Variants in C1orf87 observed in about 807,000 individuals in gnomAD.
The protein encoded by C1orf87 is chromosome 1 open reading frame 87.
C1orf87 carries 58 observed loss-of-function variants against 60.5 expected under a neutral mutation model. The ratio of observed to expected loss-of-function variants is 0.96; its 90% confidence interval spans 0.78 to 1.19. The LOEUF is 1.19. Among genes scored for constraint, C1orf87 ranks in the 50% most tolerant of loss-of-function variants. The pLI is 0.00. For synonymous variants in C1orf87, 236 were observed against 227.4 expected (o/e 1.04, Z -0.34); for missense variants, 673 against 638.6 (o/e 1.05, Z -0.58).
intron 2 of C1orf87, among the ~76,000 whole-genome samples, chr1:60,068,185 G>A (rs1645561681): frequency 6.6e-6 from 1 of 151,956 alleles, no homozygotes; most frequent in Non-Finnish European, 1.5e-5. Context: ...TGTGTAGAGT[G>A]AGCCTCCACA....
At chr1:60,011,592 T>G (rs1645085389) in intron 8 of C1orf87, among the ~76,000 whole-genome samples, 1 of 152,126 alleles carries the variant, frequency 6.6e-6, no homozygotes, top group African/African-American at 2.4e-5. Flanking sequence ...TTTCTGTTGC[T>G]AGCAACCAAA....
chr1:60,053,463 A>G (rs1355742121), intron 3 of C1orf87, among the ~76,000 whole-genome samples: 1 of 152,168 alleles, frequency 6.6e-6, no homozygotes, highest in Admixed American at 6.5e-5. Context: ...AGAGCTCAGA[A>G]TACTGCCTGG....
chr1:60,001,035 A>G lies in C1orf87; in HGVS notation c.1272+42T>C, dbSNP rs375830581. On this transcript the variant is annotated intron_variant, in intron 10 of 11. Transcript: ENST00000371201. Reference sequence around the variant, plus strand: ...GCATCAGAGAAAAGGCCAAGTATCCATGAAAACCTTCCCCCAAACTCTATA... The same window carrying G: ...GCATCAGAGAAAAGGCCAAGTATCCGTGAAAACCTTCCCCCAAACTCTATA... The G allele has an allele frequency of 1.8e-5, 27 of 1,533,328 alleles. No individual in the cohort carries two copies. The African/African-American group carries it at 2.9e-4, about 16-fold the overall frequency. 95.0% of individuals were successfully genotyped at this position (1,533,328 alleles called of 1,614,324 possible). A position where few individuals can be genotyped will look rare whatever the true frequency, so the allele number is the denominator to read the frequency against.
At chr1:60,004,971 A>C (rs1645032821) in intron 9 of C1orf87, among the ~76,000 whole-genome samples, 1 of 148,260 alleles carries the variant, frequency 6.7e-6, no homozygotes, top group Non-Finnish European at 1.5e-5. Context: ...CAGACCAATT[A>C]AGTCAGAATC....
rs1644913915 is a variant in C1orf87, at chr1:59,990,605, G to A, written c.*68C>T. The A allele has an allele frequency of 6.4e-7, 1 of 1,563,824 alleles. No homozygotes were observed. The highest frequency in any genetic ancestry group is 1.7e-5 in the Admixed American group (1 of 58,536). Reference sequence around the variant, plus strand: ...GCCTCCGCCACTACACTTAGGCTGGGGAGAAACATGTGTCTGGGTAAAAAG... The same window carrying A: ...GCCTCCGCCACTACACTTAGGCTGGAGAGAAACATGTGTCTGGGTAAAAAG... On this transcript the variant is annotated 3_prime_UTR_variant, in exon 12 of 12. Transcript: ENST00000371201.
chr1:60,046,173 TTTCC>T (rs539384721), intron 3 of C1orf87, among the ~76,000 whole-genome samples: 14 of 149,584 alleles, frequency 9.4e-5, no homozygotes, highest in Admixed American at 2.7e-4. Flanking sequence ...TCCTTGCTTC[TTTCC>T]TTCCTTCCTT....
rs776689866 is a variant in C1orf87, at chr1:60,001,193, G to T, written c.1193-37C>A. 4.8e-6 allele frequency: 7 copies of T among 1,453,038 alleles called. No homozygotes were observed. The Admixed American group carries it at 1.4e-4, about 29-fold the overall frequency. The allele number at this position is 1,453,038 out of a possible 1,614,324, so 90.0% of individuals were successfully genotyped here. ...TAAAAAAAAAAAAAGGAAGGGTTTA[G>T]CTTGGTCTCTTCATTTAACACACAC... On this transcript the variant is annotated intron_variant, in intron 9 of 11. Transcript: ENST00000371201.
chr1:60,066,269 G>A (rs1231033559), intron 2 of C1orf87, among the ~76,000 whole-genome samples: 1 of 152,132 alleles, frequency 6.6e-6, no homozygotes, highest in African/African-American at 2.4e-5. Context: ...CTGTTTGATA[G>A]TATTTTACCC....
intron 8 of C1orf87, among the ~76,000 whole-genome samples, chr1:60,015,767 T>C (rs1227734778): frequency 2.0e-5 from 3 of 152,204 alleles, no homozygotes; most frequent in Admixed American, 6.5e-5. Context: ...TTTCACTTTT[T>C]GGCAGACAGA....
intron 5 of C1orf87, 68 bp downstream of exon 5, chr1:60,039,849 T>G: frequency 2.0e-6 from 3 of 1,509,688 alleles, no homozygotes; most frequent in Non-Finnish European, 2.7e-6. Flanking sequence ...TTCTTAGTCT[T>G]TTACCCTTGT....
chr1:60,012,515 C>T (rs1645093826), intron 8 of C1orf87, among the ~76,000 whole-genome samples: 2 of 152,018 alleles, frequency 1.3e-5, no homozygotes, highest in African/African-American at 4.8e-5. Context: ...TTACATTACC[C>T]CCAAGACCTT....
intron 8 of C1orf87, among the ~76,000 whole-genome samples, chr1:60,015,198 C>A (rs1645116965): frequency 6.6e-6 from 1 of 152,130 alleles, no homozygotes; most frequent in South Asian, 2.1e-4. Context: ...GCCGTGGGGG[C>A]AGAGCCCTCA....
At chr1:60,031,432 G>A (rs552971249) in intron 7 of C1orf87, among the ~76,000 whole-genome samples, 11 of 152,290 alleles carry the variant, frequency 7.2e-5, no homozygotes, top group Non-Finnish European at 1.6e-4. Context: ...TTTCAGGGAC[G>A]GCTGTGGGGA....
At chr1:59,991,026 G>A (rs1484479654) in intron 11 of C1orf87, among the ~76,000 whole-genome samples, 193 bp from the exon 12 acceptor site, 2 of 152,146 alleles carry the variant, frequency 1.3e-5, no homozygotes, top group East Asian at 1.9e-4. Context: ...ATTTCAGGAA[G>A]AATCTGAGGG....
At chr1:60,073,119 C>A (rs1374179420) in intron 1 of C1orf87, among the ~76,000 whole-genome samples, 1 of 152,176 alleles carries the variant, frequency 6.6e-6, no homozygotes, top group Non-Finnish European at 1.5e-5. Flanking sequence ...CAGGGTAATT[C>A]TAGGTCTGTT....
intron 2 of C1orf87, among the ~76,000 whole-genome samples, chr1:60,061,598 A>T (rs1311324072): frequency 2.0e-5 from 3 of 151,576 alleles, no homozygotes; most frequent in Non-Finnish European, 4.4e-5. Flanking sequence ...TATCCTCACC[A>T]TCCTTCTCAA....
intron 9 of C1orf87, among the ~76,000 whole-genome samples, chr1:60,006,394 C>A (rs1379510231): frequency 6.6e-6 from 1 of 152,102 alleles, no homozygotes; most frequent in Non-Finnish European, 1.5e-5. Context: ...TTCCCTTCAA[C>A]AGAAGTAGTT....
intron 6 of C1orf87, among the ~76,000 whole-genome samples, chr1:60,036,428 C>T (rs1190872287): frequency 6.6e-6 from 1 of 152,172 alleles, no homozygotes; most frequent in Non-Finnish European, 1.5e-5. Flanking sequence ...TCTTAACCAC[C>T]ATGCCACATT....
rs528670050 is a variant in C1orf87 at position 60,010,133 on chromosome 1, A to C, written c.1192+259T>G. 3.3e-5 allele frequency among the ~76,000 whole-genome samples: 5 copies of C among 151,976 alleles called. No homozygotes were observed. The South Asian group carries it at 1.0e-3, about 32-fold the overall frequency. On this transcript the variant is annotated intron_variant, in intron 9 of 11. Transcript: ENST00000371201. ...ATACTAACTTCCATAAATGTACTGCATTCATCTATAAGGGCTACCACTAGA... is the reference window on the plus strand; with the variant it reads ...ATACTAACTTCCATAAATGTACTGCCTTCATCTATAAGGGCTACCACTAGA...
Sources: allele counts gnomAD v4.1 joint callset (sites outside exome capture counted in the v4.1 genomes callset), GRCh38; gene constraint gnomAD v4.1.1; transcripts MANE v1.5; gene names NCBI Gene and HGNC (gene_info 2026-07-23, HGNC 2026-07-21).